MAST4: variants seen among roughly 807,000 people sequenced by gnomAD.
MAST4 encodes microtubule-associated serine/threonine-protein kinase 4.
A neutral mutation model predicts 162.7 loss-of-function variants in MAST4; 89 were observed. The ratio of observed to expected loss-of-function variants is 0.55; its 90% confidence interval spans 0.46 to 0.65. The LOEUF (loss-of-function observed/expected upper bound fraction) is 0.65. Among genes scored for constraint, MAST4 ranks in the 30% least tolerant of loss-of-function variants. The probability of loss-of-function intolerance (pLI) is 0.00; values close to 1 mark genes in which losing one functional copy is unlikely to be tolerated. For synonymous variants in MAST4, 1,479 were observed against 1,361.1 expected (o/e 1.09, Z -1.91); for missense variants, 3,153 against 3,374.0 (o/e 0.93, Z 1.62).
intron 1 of MAST4, among the ~76,000 whole-genome samples, chr5:66,606,180 T>C (rs1245323955): frequency 6.6e-6 from 1 of 152,228 alleles, no homozygotes; most frequent in Non-Finnish European, 1.5e-5. Context: ...ATGCTTTAGC[T>C]AGAAGATGGC....
chr5:67,060,734 C>T (rs1428204341), intron 5 of MAST4, among the ~76,000 whole-genome samples: 1 of 152,096 alleles, frequency 6.6e-6, no homozygotes, highest in Non-Finnish European at 1.5e-5. Flanking sequence ...GCCTCGGCCT[C>T]CCAAAGTAGG....
chr5:66,863,828 A>G (rs1246810032), intron 3 of MAST4, among the ~76,000 whole-genome samples: 1 of 152,010 alleles, frequency 6.6e-6, no homozygotes, highest in Non-Finnish European at 1.5e-5. Flanking sequence ...CTGTCAGGTG[A>G]CCTCTTCTCT....
At chr5:66,710,311 T>C (rs1750413640) in intron 1 of MAST4, among the ~76,000 whole-genome samples, 1 of 152,248 alleles carries the variant, frequency 6.6e-6, no homozygotes, top group Non-Finnish European at 1.5e-5. Flanking sequence ...GTCTGTTTTA[T>C]AATATATATT....
intron 18 of MAST4, among the ~76,000 whole-genome samples, chr5:67,135,997 T>C (rs967822261): frequency 3.9e-5 from 6 of 152,222 alleles, no homozygotes; most frequent in African/African-American, 1.4e-4. Context: ...GGTTTTTTTT[T>C]CTTCTTCAGT....
intron 10 of MAST4, 87 bp from the exon 11 acceptor site, chr5:67,110,011 A>T (rs1035539071): frequency 1.1e-6 from 1 of 891,568 alleles, no homozygotes. Context: ...AACATTTGCA[A>T]TGATCTAATT....
At chr5:67,078,993 A>C (rs1762283775) in intron 5 of MAST4, among the ~76,000 whole-genome samples, 1 of 130,574 alleles carries the variant, frequency 7.7e-6, no homozygotes, top group South Asian at 2.4e-4. Flanking sequence ...AATCTGAAAA[A>C]ATTTAGTATT....
chr5:67,019,478 A>G (rs887222986), intron 4 of MAST4, among the ~76,000 whole-genome samples: 1 of 152,228 alleles, frequency 6.6e-6, no homozygotes, highest in Non-Finnish European at 1.5e-5. Context: ...TCTAAACTTT[A>G]TCCCTTATGT....
In MAST4 at chr5:66,697,669, G is replaced by A. The variant is rs570014188; in HGVS notation, c.364-62040G>A. Among the ~76,000 whole-genome samples the A allele has an allele frequency of 1.1e-4, 16 of 152,218 alleles. No individual in the cohort carries two copies. The South Asian group carries it at 3.1e-3, about 30-fold the overall frequency. On this transcript the variant is annotated intron_variant, in intron 1 of 28. Coordinates refer to ENST00000403625, the MANE Select transcript of MAST4 (RefSeq NM_001164664.2). ...GGACACCCAAGAGATTTGCAAAAAG[G>A]TAAAAACAATGGCACTCTTTCACCA...
intron 4 of MAST4, among the ~76,000 whole-genome samples, chr5:66,970,021 C>T (rs1051686323): frequency 4.6e-5 from 7 of 152,180 alleles, no homozygotes; most frequent in African/African-American, 1.7e-4. Context: ...AGGATCAAAT[C>T]TGTGTCATGC....
chr5:66,795,874 T>A (rs1755622764), intron 3 of MAST4, among the ~76,000 whole-genome samples: 1 of 152,172 alleles, frequency 6.6e-6, no homozygotes, highest in South Asian at 2.1e-4. Context: ...TAATCTCAAT[T>A]GTGAAATAGT....
intron 13 of MAST4, 123 bp downstream of exon 13, chr5:67,118,872 G>T (rs925396689): frequency 3.2e-6 from 2 of 631,764 alleles, no homozygotes. Flanking sequence ...ATATGAATAA[G>T]AATATGGATA....
chr5:66,896,000 T>G (rs1235579348), intron 3 of MAST4, among the ~76,000 whole-genome samples: 2 of 152,246 alleles, frequency 1.3e-5, no homozygotes, highest in African/African-American at 2.4e-5. Context: ...TGTTATCATC[T>G]AAAGTACAAA....
rs1773063305 is a variant in MAST4 at position 67,160,485 on chromosome 5, C to G, written c.3678C>G (p.Thr1226=). 1 of 1,613,812 alleles carries G rather than the reference C, an allele frequency of 6.2e-7. No homozygotes were observed. The highest frequency in any genetic ancestry group is 8.5e-7 in the Non-Finnish European group (1 of 1,179,820). ...GGAATAAGGTGTCAATCACTACTACCCCATTTGAAAACACATCAATCAAAA... is the reference window on the plus strand; with the variant it reads ...GGAATAAGGTGTCAATCACTACTACGCCATTTGAAAACACATCAATCAAAA... ...KSGNKVSITT[T]PFENTSIKTG... is the part of the protein sequence containing the mutation. The change falls in exon 27 of 29, where the codon ACC becomes ACG. Residue 1226 remains threonine, a synonymous_variant. Transcript: ENST00000403625.
At chr5:67,008,358 C>A (rs1752287358) in intron 4 of MAST4, among the ~76,000 whole-genome samples, 1 of 152,216 alleles carries the variant, frequency 6.6e-6, no homozygotes, top group Non-Finnish European at 1.5e-5. Context: ...ATTCATGTCA[C>A]TGCTTATGTT....
chr5:66,737,732 G>A (rs191892175), intron 1 of MAST4, among the ~76,000 whole-genome samples: 78 of 152,252 alleles, frequency 5.1e-4, no homozygotes, highest in African/African-American at 1.8e-3. Context: ...TACAAGACAA[G>A]CCTTTCTTTT....
At position 66,797,130 on chromosome 5, in the gene MAST4, T is replaced by C. The variant is rs549742233; in HGVS notation, c.642+8336T>C. Reference sequence around the variant, plus strand: ...TGGACTGCTGGGGTGGCACAGCTTGTCCTTCTGGCATCCTATTTCCTCCTT... The same window carrying C: ...TGGACTGCTGGGGTGGCACAGCTTGCCCTTCTGGCATCCTATTTCCTCCTT... On this transcript the variant is annotated intron_variant, in intron 3 of 28. Transcript: ENST00000403625. Among the ~76,000 whole-genome samples, 3 of 152,336 alleles carry C rather than the reference T, an allele frequency of 2.0e-5. 1 individual carries two copies. The highest frequency in any genetic ancestry group is 4.8e-5 in the African/African-American group (2 of 41,580).
intron 4 of MAST4, among the ~76,000 whole-genome samples, chr5:67,048,535 CAT>C (rs1257751391): frequency 1.3e-5 from 2 of 151,882 alleles, no homozygotes; most frequent in Non-Finnish European, 2.9e-5. Context: ...TAAAATCAGA[CAT>C]ATATGAATAG....
chr5:67,142,397 C>T, intron 20 of MAST4, 24 bp from the exon 21 acceptor site: 1 of 1,550,362 alleles, frequency 6.5e-7, no homozygotes, highest in Non-Finnish European at 8.8e-7. Context: ...GTAATTGGAC[C>T]TGTTCCCAAA....
chr5:67,085,101 T>C (rs1763091841), intron 5 of MAST4, among the ~76,000 whole-genome samples: 1 of 152,182 alleles, frequency 6.6e-6, no homozygotes, highest in Non-Finnish European at 1.5e-5. Context: ...AGTTTTGCCC[T>C]TAATTCTCTC....
Sources: allele counts gnomAD v4.1 joint callset (sites outside exome capture counted in the v4.1 genomes callset), GRCh38; gene constraint gnomAD v4.1.1; transcripts MANE v1.5; gene names NCBI Gene and HGNC (gene_info 2026-07-23, HGNC 2026-07-21).